The following TSPEAR variants were observed in gnomAD, a reference collection of about 807,000 sequenced individuals.
The protein encoded by TSPEAR is thrombospondin type laminin G domain and EAR repeats.
A neutral mutation model predicts 71.6 loss-of-function variants in TSPEAR; 69 were observed. The observed-to-expected ratio is 0.96, with a 90% confidence interval of 0.79 to 1.18. The LOEUF is 1.18. TSPEAR is among the 50% of genes most tolerant of loss of function. TSPEAR has a pLI of 0.00. For synonymous variants in TSPEAR, 402 were observed against 387.2 expected, an observed-to-expected ratio of 1.04 and a Z score of -0.45; for missense variants, 971 against 894.9, an observed-to-expected ratio of 1.09 and a Z score of -1.09.
intron 2 of TSPEAR, chr21:44,550,748 G>A (rs199928658): frequency 6.6e-5 from 107 of 1,614,028 alleles, no homozygotes; most frequent in South Asian, 4.6e-4. Flanking sequence ...GGGAGCACAC[G>A]GGGCGGCAGA....
chr21:44,538,604 G>A (rs587671384), intron 2 of TSPEAR, among the ~76,000 whole-genome samples: 3 of 152,298 alleles, frequency 2.0e-5, no homozygotes, highest in South Asian at 4.1e-4. Flanking sequence ...TCGGGCGGGC[G>A]GCACACAGGG....
At chr21:44,669,790 C>A (rs1985970304) in intron 1 of TSPEAR, among the ~76,000 whole-genome samples, 1 of 152,220 alleles carries the variant, frequency 6.6e-6, no homozygotes, top group Non-Finnish European at 1.5e-5. Context: ...GTCCCACCCC[C>A]AGAGGTCCTA....
At position 44,558,092 on chromosome 21, in the gene TSPEAR, G is replaced by A. The variant is rs781978201; in HGVS notation, c.303+9693C>T. On this transcript the variant is annotated intron_variant, in intron 2 of 11. Coordinates refer to ENST00000323084, the MANE Select transcript of TSPEAR (RefSeq NM_144991.3). ...GGCCTGAGGAGAGGCCGCAGCACGC[G>A]GAAGAGAGGCGGGAGCACGTGGGGC... 2.4e-5 allele frequency: 39 copies of A among 1,612,624 alleles called. No homozygotes were observed. The Middle Eastern group carries it at 1.6e-3, about 68-fold the overall frequency.
At chr21:44,533,263 G>A (rs1337974986) in intron 3 of TSPEAR, among the ~76,000 whole-genome samples, 7 of 152,202 alleles carry the variant, frequency 4.6e-5, no homozygotes, top group African/African-American at 9.6e-5. Flanking sequence ...ACCTGTTCTC[G>A]CCAATGTCCA....
Position 44,697,880 on chromosome 21 carries a change from C to T in TSPEAR, c.82+13553G>A, listed in dbSNP as rs375174220. Reference sequence around the variant, plus strand: ...CTCCTCCTGCCAGCCAAGCTGCGGCCGCCTGGCCTCCTGCGGGTCCCTCCT... The same window carrying T: ...CTCCTCCTGCCAGCCAAGCTGCGGCTGCCTGGCCTCCTGCGGGTCCCTCCT... On this transcript the variant is annotated intron_variant, in intron 1 of 11. Coordinates refer to ENST00000323084, the MANE Select transcript of TSPEAR (RefSeq NM_144991.3). 45 of 1,603,090 alleles carry T rather than the reference C, an allele frequency of 2.8e-5. 1 individual carries two copies. The South Asian group carries it at 2.8e-4, about 10-fold the overall frequency.
At chr21:44,693,551 T>C (rs1212338596) in intron 1 of TSPEAR, among the ~76,000 whole-genome samples, 1 of 151,958 alleles carries the variant, frequency 6.6e-6, no homozygotes, top group African/African-American at 2.4e-5. Flanking sequence ...AAATGGCCAA[T>C]AAGTACATGA....
At chr21:44,580,474 G>A (rs1555924924) in intron 1 of TSPEAR, 2 of 1,613,190 alleles carry the variant, frequency 1.2e-6, no homozygotes, top group South Asian at 1.1e-5. Context: ...GGGTCAGGCA[G>A]GGGGCGGTGC....
rs587720276 is a variant in TSPEAR at position 44,529,694 on chromosome 21, G to T, written c.790+104C>A. The T allele has an allele frequency of 6.0e-5, 78 of 1,306,176 alleles. No homozygotes were observed. In the Admixed American group the frequency reaches 1.4e-3, roughly 24 times the overall value. 80.9% of individuals were successfully genotyped at this position (1,306,176 alleles called of 1,614,324 possible). The stretch of plus-strand genomic sequence containing the variant: ...CCCGTAGCAGTGATGAGGGGGGCAG[G>T]CACACGAGAGGGGCTGAGAGCTGAG... On this transcript the variant is annotated intron_variant, in intron 5 of 11. Coordinates refer to ENST00000323084, the MANE Select transcript of TSPEAR (RefSeq NM_144991.3).
At chr21:44,536,395 TTC>T (rs1404288945) in intron 2 of TSPEAR, among the ~76,000 whole-genome samples, 2 of 152,204 alleles carry the variant, frequency 1.3e-5, no homozygotes, top group Non-Finnish European at 2.9e-5. Flanking sequence ...TATCTGGTAA[TTC>T]TCTCTGTTTC....
chr21:44,576,613 A>G (rs1715063325), intron 1 of TSPEAR, among the ~76,000 whole-genome samples: 1 of 152,218 alleles, frequency 6.6e-6, no homozygotes, highest in South Asian at 2.1e-4. Context: ...AAATAACTCC[A>G]GAGAAGGGGA....
intron 1 of TSPEAR, chr21:44,627,643 G>A (rs1555934761): frequency 1.2e-6 from 2 of 1,608,312 alleles, no homozygotes; most frequent in Admixed American, 1.7e-5. Flanking sequence ...CTGCTCTGAG[G>A]ATTCCTATTC....
intron 1 of TSPEAR, among the ~76,000 whole-genome samples, chr21:44,634,549 C>A (rs1056086445): frequency 6.6e-6 from 1 of 152,232 alleles, no homozygotes; most frequent in African/African-American, 2.4e-5. Flanking sequence ...TAAAACAACC[C>A]ACACAAGGGA....
At chr21:44,675,830 T>C in intron 1 of TSPEAR, 1 of 602,708 alleles carries the variant, frequency 1.7e-6, no homozygotes, top group Non-Finnish European at 3.0e-6. Context: ...CTGATTTCCT[T>C]GACATGAAAT....
At chr21:44,544,299 CAA>C (rs3051761) in intron 2 of TSPEAR, among the ~76,000 whole-genome samples, 50,614 of 149,224 alleles carry the variant, frequency 0.34, 8,688 homozygotes, top group African/African-American at 0.42. Context: ...CATAATAAGA[CAA>C]AAAAAAAATC....
At chr21:44,551,569 G>GC in intron 2 of TSPEAR, 3 of 1,441,012 alleles carry the variant, frequency 2.1e-6, no homozygotes, top group Non-Finnish European at 2.8e-6. Context: ...GCTTTTATAT[G>GC]CCCAGGGCCT....
chr21:44,529,744 G>A, intron 5 of TSPEAR, 54 bp downstream of exon 5: 1 of 1,601,698 alleles, frequency 6.2e-7, no homozygotes, highest in Non-Finnish European at 8.5e-7. Context: ...CTGGTGTGAG[G>A]CCAGGGCTCT....
At chr21:44,666,202 C>A in intron 1 of TSPEAR, 1 of 499,448 alleles carries the variant, frequency 2.0e-6, no homozygotes, top group Non-Finnish European at 3.5e-6. Context: ...ATGGGGAAAG[C>A]TGGTTTATTT....
chr21:44,698,148 G>A (rs541418461), intron 1 of TSPEAR: 41 of 643,966 alleles, frequency 6.4e-5, no homozygotes, highest in African/African-American at 5.7e-4. Context: ...CCACTCCCCC[G>A]GCTCTTCCAG....
At chr21:44,625,163 T>C (rs934864782) in intron 1 of TSPEAR, among the ~76,000 whole-genome samples, 22 of 152,234 alleles carry the variant, frequency 1.4e-4, no homozygotes, top group African/African-American at 5.3e-4. Context: ...ATTCCAGGCA[T>C]TATTTTAGGC....
Sources: allele counts gnomAD v4.1 joint callset (sites outside exome capture counted in the v4.1 genomes callset), GRCh38; gene constraint gnomAD v4.1.1; transcripts MANE v1.5; gene names NCBI Gene and HGNC (gene_info 2026-07-23, HGNC 2026-07-21).